The following ADA variants were observed in gnomAD, a reference collection of about 807,000 sequenced individuals.
The protein encoded by ADA is adenosine deaminase.
In ADA, 45 loss-of-function variants were observed where a neutral mutation model predicts 49.0. The observed-to-expected ratio is 0.92, with a 90% CI of 0.72 to 1.18. The LOEUF is 1.18. Ranked by LOEUF, ADA falls within the 50% of genes most tolerant of loss-of-function variation. The pLI, the probability that ADA is intolerant of heterozygous loss-of-function variation, is 0.00. For missense variants in ADA, 445 were observed against 472.5 expected, an observed-to-expected ratio of 0.94 and a Z score of 0.54; for synonymous variants, 173 against 184.2, an observed-to-expected ratio of 0.94 and a Z score of 0.49.
rs764287854 is a variant in ADA at position 44,624,336 on chromosome 20, G to C, written c.479-7C>G. 6.2e-7 allele frequency: 1 copy of C among 1,612,962 alleles called. No homozygotes were observed. The highest frequency in any genetic ancestry group is 1.1e-5 in the South Asian group (1 of 91,040). On this transcript the variant is annotated splice_region_variant and splice_polypyrimidine_tract_variant and intron_variant, in intron 5 of 11. Transcript: ENST00000372874. ...ACCACCTTGGGGGACCAGTCTGTGG[G>C]CGAGATGCCCACCCAGGCTCTGTCA...
intron 3 of ADA, among the ~76,000 whole-genome samples, chr20:44,628,227 T>G (rs1431616719): frequency 6.6e-6 from 1 of 152,068 alleles, no homozygotes; most frequent in Non-Finnish European, 1.5e-5. Context: ...TCTTGCATCT[T>G]CAGGATGAGG....
At chr20:44,623,150 G>T in intron 6 of ADA, 72 bp from the exon 7 acceptor site, 6 of 1,604,858 alleles carry the variant, frequency 3.7e-6, no homozygotes, top group Non-Finnish European at 5.1e-6. Context: ...TGACCATGCT[G>T]TGGAGATTGA....
chr20:44,637,440 A>C (rs1269364401), intron 1 of ADA, among the ~76,000 whole-genome samples: 1 of 152,206 alleles, frequency 6.6e-6, no homozygotes, highest in Non-Finnish European at 1.5e-5. Context: ...TGTTAGGAGA[A>C]GCACAGCAGG....
intron 1 of ADA, 43 bp from the exon 2 acceptor site, chr20:44,636,331 G>C: frequency 4.6e-5 from 68 of 1,467,010 alleles, no homozygotes; most frequent in Non-Finnish European, 5.9e-5. Context: ...GGGAGAGAGA[G>C]AACAAATACC....
At position 44,624,309 on chromosome 20, in the gene ADA, C is replaced by A. The variant is rs1415388139; in HGVS notation, c.499G>T (p.Glu167Ter). The A allele has an allele frequency of 1.2e-6, 2 of 1,613,840 alleles. No individual in the cohort carries two copies. Among genetic ancestry groups the A allele is most frequent in the South Asian group, 2.2e-5 (2 of 91,064 alleles). ...TGCTGCTGGTACTTCTTACACAGCTCCACCACCTTGGGGGACCAGTCTGTG... is the reference window on the plus strand; with the variant it reads ...TGCTGCTGGTACTTCTTACACAGCTACACCACCTTGGGGGACCAGTCTGTG... ...HQPNWSPKVV[E>*]LCKKYQQQTV... The change falls in exon 6 of 12, where the codon GAG (glutamate) becomes TAG (stop). Residue 167 changes from glutamate (E) to a stop codon, truncating the protein, a stop_gained. Transcript: ENST00000372874. LOFTEE classifies it high-confidence loss of function.
At chr20:44,648,751 C>T (rs145932777) in intron 1 of ADA, among the ~76,000 whole-genome samples, 3 of 152,146 alleles carry the variant, frequency 2.0e-5, no homozygotes, top group African/African-American at 7.2e-5. Flanking sequence ...TGCCTAGGGC[C>T]TTGCTAAGCA....
At chr20:44,650,965 C>T (rs1600955290) in intron 1 of ADA, among the ~76,000 whole-genome samples, 1 of 152,200 alleles carries the variant, frequency 6.6e-6, no homozygotes, top group African/African-American at 2.4e-5. Context: ...GGCCAGTGGC[C>T]ATGGCTTGGC....
intron 6 of ADA, 55 bp from the exon 7 acceptor site, chr20:44,623,133 C>T: frequency 6.2e-7 from 1 of 1,610,124 alleles, no homozygotes; most frequent in Non-Finnish European, 8.5e-7. Context: ...CCCGGCAGGC[C>T]CTGCCTTGAC....
At chr20:44,627,242 C>T (rs906926218) in intron 3 of ADA, among the ~76,000 whole-genome samples, 3 of 151,000 alleles carry the variant, frequency 2.0e-5, no homozygotes, top group Admixed American at 6.6e-5. Flanking sequence ...AGTGCAGTGG[C>T]GCCATCTCAG....
At position 44,621,120 on chromosome 20, in the gene ADA, C is replaced by T. The variant is rs143236074; in HGVS notation, c.873G>A (p.Ser291=). Residue 291 remains serine (S), a synonymous_variant, in exon 10 of 12, where the codon TCG becomes TCA. Transcript: ENST00000372874. ...IRLKNDQANY[S]LNTDDPLIFK... is the part of the protein sequence containing the mutation. ...AGATGAGCGGGTCATCTGTGTTGAG[C>T]GAGTAGTTAGCCTGGTCATTTTTGA... The T allele has an allele frequency of 1.8e-5, 29 of 1,613,952 alleles. No individual in the cohort carries two copies. The highest frequency in any genetic ancestry group is 9.4e-5 in the African/African-American group (7 of 74,862).
chr20:44,642,370 A>G (rs2065544482), intron 1 of ADA, among the ~76,000 whole-genome samples: 1 of 152,254 alleles, frequency 6.6e-6, no homozygotes, highest in African/African-American at 2.4e-5. Context: ...GATAAGAAGC[A>G]GACCAAGTGC....
chr20:44,648,511 G>T (rs1400120787), intron 1 of ADA, among the ~76,000 whole-genome samples: 2 of 152,052 alleles, frequency 1.3e-5, no homozygotes, highest in Non-Finnish European at 2.9e-5. Context: ...AGGTTACTAG[G>T]TGGAGATGGT....
At position 44,620,200 on chromosome 20, in the gene ADA, G is replaced by A. The variant is rs45567734; in HGVS notation, c.1078+99C>T. The A allele has an allele frequency of 0.056, 59,258 of 1,067,310 alleles. 2,135 individuals carry two copies. Among genetic ancestry groups the A allele is most frequent in the African/African-American group, 0.14 (8,773 of 64,370 alleles). The allele number at this position is 1,067,310 out of a possible 1,614,324, so 66.1% of individuals were successfully genotyped here. On this transcript the variant is annotated intron_variant, in intron 11 of 11. Coordinates refer to ENST00000372874, the MANE Select transcript of ADA (RefSeq NM_000022.4). ...CAGGGAGTCATCACACATTCATGGC[G>A]CTGCCCAAGAATGGAAGGGCATCTT...
chr20:44,622,715 G>A, intron 8 of ADA, 63 bp from the exon 9 acceptor site: 1 of 1,613,108 alleles, frequency 6.2e-7, no homozygotes, highest in Non-Finnish European at 8.5e-7. Context: ...CTCCCCCCAT[G>A]TCTGGGCCTG....
chr20:44,650,533 T>A (rs764151319), intron 1 of ADA, among the ~76,000 whole-genome samples: 6 of 152,128 alleles, frequency 3.9e-5, no homozygotes, highest in African/African-American at 7.2e-5. Flanking sequence ...GCTCAAGCGA[T>A]CCTCCCGCCT....
rs562422672 is a variant in ADA at position 44,638,367 on chromosome 20, G to A, written c.34-2079C>T. 3.3e-5 allele frequency among the ~76,000 whole-genome samples: 5 copies of A among 152,330 alleles called. No homozygotes were observed. The East Asian group carries it at 7.7e-4, about 23-fold the overall frequency. ...GAGGTGGGTGGATCACCTGAGGCCAGGAGTTTGAGACCAGCCTGGCCAACA... is the reference window on the plus strand; with the variant it reads ...GAGGTGGGTGGATCACCTGAGGCCAAGAGTTTGAGACCAGCCTGGCCAACA... On this transcript the variant is annotated intron_variant, in intron 1 of 11. Transcript: ENST00000372874.
rs768474992 is a variant in ADA at position 44,625,542 on chromosome 20, C to T, written c.478+27G>A. ...TCAGGGCCAGGGTGAGACGGGCGGC[C>T]CTGGGCAGGGCGGTGATCCTACTCA... On this transcript the variant is annotated intron_variant, in intron 5 of 11. Transcript: ENST00000372874. 4.5e-6 allele frequency: 7 copies of T among 1,554,696 alleles called. 1 individual carries two copies. In the South Asian group the frequency reaches 8.3e-5, roughly 18 times the overall value.
Position 44,626,517 on chromosome 20 carries a change from G to T in ADA, c.301C>A (p.Arg101=). The stretch of plus-strand genomic sequence containing the variant: ...TTGGCCAGCAGGTGCGGACTGTACC[G>T]CACCTCCACATACACCACGCCCTCT... The part of the protein sequence containing the change: ...AKEGVVYVEV[R]YSPHLLANSK... The change falls in exon 4 of 12, where the codon CGG becomes AGG. Residue 101 remains arginine, a synonymous_variant. Transcript: ENST00000372874. The T allele has an allele frequency of 6.2e-7, 1 of 1,614,126 alleles. No individual in the cohort carries two copies.
At chr20:44,637,805 A>T (rs374326048) in intron 1 of ADA, among the ~76,000 whole-genome samples, 1 of 152,186 alleles carries the variant, frequency 6.6e-6, no homozygotes, top group South Asian at 2.1e-4. Flanking sequence ...CAGGGGACAG[A>T]GCGGTCTTCA....
Sources: allele counts gnomAD v4.1 joint callset (sites outside exome capture counted in the v4.1 genomes callset), GRCh38; gene constraint gnomAD v4.1.1; transcripts MANE v1.5; gene names NCBI Gene and HGNC (gene_info 2026-07-23, HGNC 2026-07-21).